TMEM140: variants seen among roughly 807,000 people sequenced by gnomAD.
The protein encoded by TMEM140 is transmembrane protein 140.
For missense variants in TMEM140, 236 were observed against 228.5 expected (o/e 1.03, Z -0.21); for synonymous variants, 107 against 106.8 (o/e 1.00, Z -0.01).
intron 1 of TMEM140, among the ~76,000 whole-genome samples, chr7:135,148,661 G>C (rs371179739): frequency 6.6e-6 from 1 of 152,178 alleles, no homozygotes; most frequent in Admixed American, 6.5e-5. Context: ...GCAGGTCACC[G>C]ACCAACACTA....
intron 1 of TMEM140, among the ~76,000 whole-genome samples, chr7:135,153,833 A>G (rs113174456): frequency 0.05 from 7,668 of 152,316 alleles, 261 homozygotes; most frequent in Non-Finnish European, 0.08. Flanking sequence ...GGTTTTTAGT[A>G]TCAGGGTGAC....
rs1263687702 is a variant in TMEM140, at chr7:135,148,246, C to T, written c.-49C>T. On this transcript the variant is annotated 5_prime_UTR_variant, in exon 1 of 2. Transcript: ENST00000275767. ...CCTGCTTCTCCTTTTCATGAGTGTT[C>T]CTGTGGTCTCTGCACCTCCTTTCTG... The T allele has an allele frequency of 5.1e-5, 20 of 390,900 alleles. No individual in the cohort carries two copies. The highest frequency in any genetic ancestry group is 9.0e-5 in the Non-Finnish European group (18 of 198,932). The allele number at this position is 390,900 out of a possible 1,614,324, so 24.2% of individuals were successfully genotyped here.
At chr7:135,160,216 T>C (rs1384539746) in intron 1 of TMEM140, among the ~76,000 whole-genome samples, 3 of 152,228 alleles carry the variant, frequency 2.0e-5, no homozygotes, top group Admixed American at 6.5e-5. Context: ...TTTTAGTCTT[T>C]TCTCTGCACT....
intron 1 of TMEM140, among the ~76,000 whole-genome samples, chr7:135,160,654 C>T (rs1161286228): frequency 6.6e-6 from 1 of 151,960 alleles, no homozygotes; most frequent in East Asian, 1.9e-4. Flanking sequence ...CCTCAGGCAG[C>T]TCTGCTGTCC....
intron 1 of TMEM140, among the ~76,000 whole-genome samples, chr7:135,150,344 T>C (rs2117421841): frequency 6.6e-6 from 1 of 152,324 alleles, no homozygotes; most frequent in Middle Eastern, 3.4e-3. Context: ...CCCTGTTTAT[T>C]TCTTTCCCAA....
intron 1 of TMEM140, among the ~76,000 whole-genome samples, chr7:135,154,958 T>C (rs1459133821): frequency 1.4e-4 from 22 of 152,236 alleles, no homozygotes; most frequent in Admixed American, 1.4e-3. Context: ...CCTACAGTTA[T>C]TGTATTGCTG....
chr7:135,164,729 T>C lies in TMEM140; in HGVS notation c.288T>C (p.Phe96=), dbSNP rs1245336785. 1 of 1,614,190 alleles carries C rather than the reference T, an allele frequency of 6.2e-7. No individual in the cohort carries two copies. Among genetic ancestry groups the C allele is most frequent in the Non-Finnish European group, 8.5e-7 (1 of 1,180,022 alleles). Residue 96 remains phenylalanine, a synonymous_variant, in exon 2 of 2, where the codon TTT becomes TTC. Transcript: ENST00000275767. ...GVYGSLVLTL[F]APQPLLLAQC... is the part of the protein sequence containing the mutation. ...ACGGGTCCCTGGTCCTCACCCTCTT[T>C]GCCCCCCAGCCTCTCCTCCTAGCCC...
At chr7:135,155,602 G>A (rs886605916) in intron 1 of TMEM140, among the ~76,000 whole-genome samples, 26 of 152,192 alleles carry the variant, frequency 1.7e-4, no homozygotes, top group African/African-American at 6.3e-4. Context: ...GCTAGGCAGG[G>A]GGATTAATTG....
Position 135,161,127 on chromosome 7 carries a change from GCCACC to G in TMEM140, c.-24-3290_-24-3286del, listed in dbSNP as rs1829925234. Among the ~76,000 whole-genome samples, 4 of 152,138 alleles carry G rather than the reference GCCACC, an allele frequency of 2.6e-5. No homozygotes were observed. Among genetic ancestry groups the G allele is most frequent in the Non-Finnish European group, 4.4e-5 (3 of 68,022 alleles). On this transcript the variant is annotated intron_variant, in intron 1 of 1. Transcript: ENST00000275767. The surrounding 1 kb of genome is among the most constrained non-coding windows in gnomAD (Gnocchi z 4.1). ...GGGACTGAATATAAAAAGGTGAGAGGCCACCACCTTCTCCACATGCCTGGTCCTGG... is the reference window on the plus strand; with the variant it reads ...GGGACTGAATATAAAAAGGTGAGAGGACCTTCTCCACATGCCTGGTCCTGG...
chr7:135,160,357 A>C (rs1301550160), intron 1 of TMEM140, among the ~76,000 whole-genome samples: 6 of 152,244 alleles, frequency 3.9e-5, no homozygotes, highest in Non-Finnish European at 8.8e-5. Context: ...TTATCATTAA[A>C]GGACATTTAA....
rs529576955 is a variant in TMEM140 at position 135,151,587 on chromosome 7, C to T, written c.-25+3317C>T. ...GTCTACCTGACTCTCCGTCAATTCC[C>T]GTTTCTCCCACTGAGCTATTGCTTC... On this transcript the variant is annotated intron_variant, in intron 1 of 1. Transcript: ENST00000275767. The surrounding 1 kb of genome is among the most constrained non-coding windows in gnomAD (Gnocchi z 4.3). Among the ~76,000 whole-genome samples the T allele has an allele frequency of 1.3e-5, 2 of 152,314 alleles. No individual in the cohort carries two copies. Among genetic ancestry groups the T allele is most frequent in the East Asian group, 1.9e-4 (1 of 5,190 alleles).
Position 135,164,793 on chromosome 7 carries a change from G to A in TMEM140, c.352G>A (p.Gly118Ser). ...TGAGAGAGCGTGGCGGCTGGCAGTGGGCTTCCTGGCTGTGTCCTCTGTGCT... is the reference window on the plus strand; with the variant it reads ...TGAGAGAGCGTGGCGGCTGGCAGTGAGCTTCCTGGCTGTGTCCTCTGTGCT... The part of the protein sequence containing the change: ...SDERAWRLAV[G>S]FLAVSSVLLA... The change falls in exon 2 of 2, where the codon GGC becomes AGC. Residue 118 changes from glycine (G) to serine (S), a missense_variant. Transcript: ENST00000275767. 6.2e-7 allele frequency: 1 copy of A among 1,614,154 alleles called. No individual in the cohort carries two copies. Among genetic ancestry groups the A allele is most frequent in the Non-Finnish European group, 8.5e-7 (1 of 1,179,976 alleles).
At position 135,165,008 on chromosome 7, in the gene TMEM140, G is replaced by A. The variant is rs551320074; in HGVS notation, c.*9G>A. The A allele has an allele frequency of 7.7e-5, 121 of 1,564,564 alleles. 1 individual carries two copies. In the South Asian group the frequency reaches 9.5e-4, roughly 12 times the overall value. ...AGCTTGAGAGCTGCTAAAGGCTTAC[G>A]TGATTGCAAGGGTTCAGTTCCAACC... On this transcript the variant is annotated 3_prime_UTR_variant, in exon 2 of 2. Transcript: ENST00000275767.
rs752559433 is a variant in TMEM140, at chr7:135,164,492, C to T, written c.51C>T (p.Ile17=). The T allele has an allele frequency of 6.2e-7, 1 of 1,611,644 alleles. No individual in the cohort carries two copies. The highest frequency in any genetic ancestry group is 8.5e-7 in the Non-Finnish European group (1 of 1,177,808). ...GCGACCAGCTGCTGTTCATGAGCAT[C>T]ATAGTCCTCGTGATTGTGGTCATCT... is the stretch of plus-strand genomic sequence containing the variant. The part of the protein sequence containing the change: ...RWRDQLLFMS[I]IVLVIVVICL... Residue 17 remains isoleucine (I), a synonymous_variant, in exon 2 of 2, where the codon ATC becomes ATT. Coordinates refer to ENST00000275767, the MANE Select transcript of TMEM140 (RefSeq NM_018295.5).
rs1219215198 is a variant in TMEM140 at position 135,164,589 on chromosome 7, T to C, written c.148T>C (p.Tyr50His). 4 of 1,614,120 alleles carry C rather than the reference T, an allele frequency of 2.5e-6. No individual in the cohort carries two copies. In the South Asian group the frequency reaches 4.4e-5, roughly 18 times the overall value. ...CCTGCCCAACCTGAGAATCGGCTTC[T>C]ATAACTTCTGCCTGTGGAATGAGGA... The part of the protein sequence containing the change: ...TDLPNLRIGF[Y>H]NFCLWNEDTS... Residue 50 changes from tyrosine (Y) to histidine (H), a missense_variant, in exon 2 of 2, where the codon TAT becomes CAT. By Grantham distance (83) the Tyr-to-His change is moderately conservative (BLOSUM62 2). Coordinates refer to ENST00000275767, the MANE Select transcript of TMEM140 (RefSeq NM_018295.5).
chr7:135,158,968 C>G (rs1404775849), intron 1 of TMEM140, among the ~76,000 whole-genome samples: 2 of 152,236 alleles, frequency 1.3e-5, no homozygotes, highest in African/African-American at 4.8e-5. Flanking sequence ...AATGTTTAGG[C>G]AGCTCCGAAT....
rs529130935 is a variant in TMEM140, at chr7:135,166,017, G to C, written c.*1018G>C. The C allele has an allele frequency of 2.6e-5, 4 of 153,374 alleles. No homozygotes were observed. The South Asian group carries it at 6.2e-4, about 24-fold the overall frequency. The allele number at this position is 153,374 out of a possible 1,614,324, so 9.5% of individuals were successfully genotyped here. A position where few individuals can be genotyped will look rare whatever the true frequency, so the allele number is the denominator to read the frequency against. On this transcript the variant is annotated 3_prime_UTR_variant, in exon 2 of 2. Coordinates refer to ENST00000275767, the MANE Select transcript of TMEM140 (RefSeq NM_018295.5). ...AGCAAGGTAGCAGCTTGCGGGAGGA[G>C]GCCTGTCTGGCTTACCAGTCTATAC...
At chr7:135,162,733 G>C (rs754618499) in intron 1 of TMEM140, among the ~76,000 whole-genome samples, 4 of 152,204 alleles carry the variant, frequency 2.6e-5, no homozygotes, top group Non-Finnish European at 5.9e-5. Context: ...TATAATTCAA[G>C]ATGAGATTTG....
In TMEM140 at chr7:135,164,891, G is replaced by T; in HGVS notation, c.450G>T (p.Gly150=). 6.2e-7 allele frequency: 1 copy of T among 1,614,250 alleles called. No homozygotes were observed. The highest frequency in any genetic ancestry group is 8.5e-7 in the Non-Finnish European group (1 of 1,180,034). The part of the protein sequence containing the change: ...KWVRLSLPGP[G]FLALGSAQAL... The stretch of plus-strand genomic sequence containing the variant: ...TCAGGCTCTCCCTCCCGGGGCCTGG[G>T]TTTCTAGCTCTGGGCAGCGCCCAGG... Residue 150 remains glycine, a synonymous_variant, in exon 2 of 2, where the codon GGG becomes GGT. Coordinates refer to ENST00000275767, the MANE Select transcript of TMEM140 (RefSeq NM_018295.5).
Sources: allele counts gnomAD v4.1 joint callset (sites outside exome capture counted in the v4.1 genomes callset), GRCh38; gene constraint gnomAD v4.1.1; non-coding constraint Gnocchi (gnomAD v3.1); transcripts MANE v1.5; gene names NCBI Gene and HGNC (gene_info 2026-07-23, HGNC 2026-07-21).